Variants in NAALADL2 observed in about 807,000 individuals in gnomAD.
NAALADL2 encodes the protein inactive N-acetylated-alpha-linked acidic dipeptidase-like protein 2.
NAALADL2 carries 76 observed loss-of-function variants against 87.2 expected under a neutral mutation model. The observed-to-expected ratio is 0.87, with a 90% confidence interval of 0.72 to 1.05. NAALADL2 has a LOEUF of 1.05. Among genes scored for constraint, NAALADL2 ranks in the 50% least tolerant of loss-of-function variants. The pLI, the probability that NAALADL2 is intolerant of heterozygous loss-of-function variation, is 0.00. For synonymous variants in NAALADL2, 354 were observed against 331.0 expected (o/e 1.07, Z -0.75); for missense variants, 1,089 against 945.8 (o/e 1.15, Z -1.99).
Position 174,927,362 on chromosome 3 carries a change from T to C in NAALADL2, c.43+67912T>C, listed in dbSNP as rs1243493484. ...TCAGCTCTGCACCAAGCAGACCTAA[T>C]AGACATCTACAGAACTCTCCACCTC... On this transcript the variant is annotated intron_variant, in intron 1 of 13. Coordinates refer to ENST00000454872, the MANE Select transcript of NAALADL2 (RefSeq NM_207015.3). 6.6e-5 allele frequency among the ~76,000 whole-genome samples: 10 copies of C among 152,306 alleles called. 1 individual carries two copies. The East Asian group carries it at 1.7e-3, about 26-fold the overall frequency.
intron 1 of NAALADL2, among the ~76,000 whole-genome samples, chr3:175,037,317 C>T (rs1753539148): frequency 6.6e-6 from 1 of 152,134 alleles, no homozygotes; most frequent in African/African-American, 2.4e-5. Flanking sequence ...ACTCTGCTAG[C>T]CTACAGCTGT....
chr3:175,424,501 T>C (rs2149135403), intron 5 of NAALADL2, among the ~76,000 whole-genome samples: 1 of 152,338 alleles, frequency 6.6e-6, no homozygotes, highest in South Asian at 2.1e-4. Flanking sequence ...CCCAGCACCA[T>C]TTATTAAATA....
chr3:175,374,930 G>A (rs1193787802), intron 5 of NAALADL2, among the ~76,000 whole-genome samples: 2 of 151,934 alleles, frequency 1.3e-5, no homozygotes, highest in African/African-American at 2.4e-5. Context: ...GTCAAGTTGT[G>A]TAGTTTTACC....
chr3:174,882,757 A>G (rs116180547), intron 1 of NAALADL2, among the ~76,000 whole-genome samples: 1,854 of 138,316 alleles, frequency 0.013, 45 homozygotes, highest in African/African-American at 0.045. Flanking sequence ...ACACACGTGT[A>G]TATATACACA....
At chr3:174,764,349 A>C (rs1713489701) in intron 3 of NAALADL2, among the ~76,000 whole-genome samples, 1 of 152,174 alleles carries the variant, frequency 6.6e-6, no homozygotes, top group Non-Finnish European at 1.5e-5. Context: ...TGCCGGGTGC[A>C]GTGGCTTATG....
intron 3 of NAALADL2, among the ~76,000 whole-genome samples, chr3:174,748,753 C>G (rs1381172524): frequency 6.6e-6 from 1 of 152,070 alleles, no homozygotes; most frequent in East Asian, 1.9e-4. Context: ...ATTGAGATAC[C>G]TCTTGATATA....
chr3:174,901,916 G>T (rs1473717013), intron 1 of NAALADL2, among the ~76,000 whole-genome samples: 2 of 152,194 alleles, frequency 1.3e-5, no homozygotes, highest in African/African-American at 4.8e-5. Context: ...AAGAACAAGA[G>T]ACTGTAAATG....
chr3:175,264,424 A>T (rs1282020785), intron 4 of NAALADL2, among the ~76,000 whole-genome samples: 1 of 151,798 alleles, frequency 6.6e-6, no homozygotes, highest in Non-Finnish European at 1.5e-5. Flanking sequence ...ATGATGGAGA[A>T]GTGTGACAGC....
At chr3:174,495,624 C>A (rs566555705) in intron 1 of NAALADL2, among the ~76,000 whole-genome samples, 9 of 151,220 alleles carry the variant, frequency 6.0e-5, no homozygotes, top group South Asian at 2.1e-4. Flanking sequence ...ACTTTCCCAA[C>A]GAAGGGCAAT....
At chr3:175,287,831 G>A (rs776882771) in intron 4 of NAALADL2, among the ~76,000 whole-genome samples, 15 of 152,032 alleles carry the variant, frequency 9.9e-5, no homozygotes, top group Non-Finnish European at 1.8e-4. Context: ...GAAAATATGT[G>A]TTGAATCACC....
chr3:175,179,230 G>GTGAC (rs1736119270), intron 2 of NAALADL2, among the ~76,000 whole-genome samples: 1 of 151,960 alleles, frequency 6.6e-6, no homozygotes, highest in Admixed American at 6.6e-5. Context: ...GCTATAGAGT[G>GTGAC]TGACCTCTTA....
chr3:174,892,263 T>C (rs1312083066), intron 1 of NAALADL2, among the ~76,000 whole-genome samples: 3 of 152,142 alleles, frequency 2.0e-5, no homozygotes, highest in African/African-American at 7.2e-5. Flanking sequence ...AACAGAGATA[T>C]GTGACCTTTC....
chr3:174,637,156 C>T (rs1722729209), intron 2 of NAALADL2, among the ~76,000 whole-genome samples: 1 of 151,770 alleles, frequency 6.6e-6, no homozygotes, highest in Admixed American at 6.6e-5. Flanking sequence ...ATGATAGATA[C>T]CAGACAGGGA....
intron 2 of NAALADL2, among the ~76,000 whole-genome samples, chr3:174,705,223 T>C (rs753232434): frequency 7.2e-5 from 11 of 152,054 alleles, no homozygotes; most frequent in Non-Finnish European, 1.2e-4. Context: ...TTGCACATCT[T>C]TGGGATTTGG....
intron 11 of NAALADL2, among the ~76,000 whole-genome samples, chr3:175,728,142 G>A (rs1743185720): frequency 1.3e-5 from 2 of 152,114 alleles, no homozygotes; most frequent in South Asian, 4.1e-4. Flanking sequence ...TATAGGTCAA[G>A]GGGAGCAATG....
chr3:174,980,199 G>T (rs1288918943), intron 1 of NAALADL2, among the ~76,000 whole-genome samples: 1 of 152,126 alleles, frequency 6.6e-6, no homozygotes, highest in South Asian at 2.1e-4. Context: ...TTAATTATCT[G>T]CCTCTTCAGC....
chr3:175,257,370 T>TG (rs1027438266), intron 4 of NAALADL2, among the ~76,000 whole-genome samples: 3 of 124,778 alleles, frequency 2.4e-5, no homozygotes, highest in African/African-American at 5.7e-5. Context: ...ATCCTATGTC[T>TG]GTTTTTTTTT....
At chr3:174,831,386 T>C (rs1722670521) in intron 3 of NAALADL2, among the ~76,000 whole-genome samples, 2 of 145,024 alleles carry the variant, frequency 1.4e-5, no homozygotes, top group African/African-American at 5.3e-5. Context: ...TTGTCTTTGG[T>C]TCTGTTTATA....
intron 1 of NAALADL2, among the ~76,000 whole-genome samples, chr3:174,954,868 C>T (rs1740929559): frequency 6.6e-6 from 1 of 152,084 alleles, no homozygotes; most frequent in African/African-American, 2.4e-5. Flanking sequence ...ATTAAAGCTT[C>T]TCTAACTTAA....
Sources: allele counts gnomAD v4.1 joint callset (sites outside exome capture counted in the v4.1 genomes callset), GRCh38; gene constraint gnomAD v4.1.1; transcripts MANE v1.5; gene names NCBI Gene and HGNC (gene_info 2026-07-23, HGNC 2026-07-21).